The following NUP188 variants were observed in gnomAD, a reference collection of about 807,000 sequenced individuals.
NUP188 encodes nucleoporin 188.
In NUP188, 97 loss-of-function variants were observed where a neutral mutation model predicts 223.0. The observed-to-expected ratio is 0.43, with a 90% CI of 0.37 to 0.51. The LOEUF (loss-of-function observed/expected upper bound fraction) is 0.51, where lower values mean the gene tolerates loss of function less well. Ranked by LOEUF, NUP188 falls within the 20% of genes least tolerant of loss-of-function variation. The pLI is 0.00. For missense variants in NUP188, 1,947 were observed against 2,175.6 expected (o/e 0.89, Z 2.09); for synonymous variants, 869 against 828.0 (o/e 1.05, Z -0.85).
chr9:128,995,251 G>T, intron 29 of NUP188, 68 bp from the exon 30 acceptor site: 1 of 1,307,956 alleles, frequency 7.6e-7, no homozygotes, highest in Non-Finnish European at 1.1e-6. Context: ...GCCTCAACAA[G>T]GGTCTGTACC....
intron 1 of NUP188, chr9:128,947,990 C>T (rs1841713559): frequency 2.6e-6 from 1 of 387,034 alleles, no homozygotes; most frequent in African/African-American, 2.1e-5. Flanking sequence ...CTCGGCCTCC[C>T]ATCTCCTCAC....
intron 24 of NUP188, among the ~76,000 whole-genome samples, 168 bp downstream of exon 24, chr9:128,988,354 G>T (rs969889955): frequency 7.2e-5 from 11 of 152,220 alleles, no homozygotes; most frequent in Non-Finnish European, 4.4e-5. Context: ...GAAACAAAAG[G>T]ACTAGATGGT....
chr9:128,978,391 G>A (rs972950656), intron 12 of NUP188, among the ~76,000 whole-genome samples: 5 of 151,564 alleles, frequency 3.3e-5, no homozygotes, highest in Non-Finnish European at 5.9e-5. Flanking sequence ...GTGAAACCCC[G>A]TCTCTACTAA....
intron 12 of NUP188, among the ~76,000 whole-genome samples, chr9:128,977,974 C>A (rs776458455): frequency 7.0e-4 from 107 of 151,984 alleles, no homozygotes; most frequent in Non-Finnish European, 1.3e-3. Context: ...AATTACTGTC[C>A]CCATTTTACA....
chr9:128,994,562 C>A, intron 28 of NUP188, 120 bp downstream of exon 28: 1 of 762,180 alleles, frequency 1.3e-6, no homozygotes, highest in Non-Finnish European at 2.3e-6. Flanking sequence ...ATGTTCCCTT[C>A]ACTAGAAACG....
intron 12 of NUP188, among the ~76,000 whole-genome samples, chr9:128,976,745 G>A (rs1206914439): frequency 6.6e-6 from 1 of 151,742 alleles, no homozygotes; most frequent in Non-Finnish European, 1.5e-5. Context: ...GAGAATTCTG[G>A]TTACTTTTGA....
At chr9:128,964,769 G>C (rs932733808) in intron 8 of NUP188, among the ~76,000 whole-genome samples, 1 of 147,898 alleles carries the variant, frequency 6.8e-6, no homozygotes, top group African/African-American at 2.5e-5. Context: ...GCAGTGGCAC[G>C]ATGTTGGCTA....
At chr9:128,987,790 G>C (rs1484158681) in intron 23 of NUP188, 73 bp downstream of exon 23, 1 of 1,557,120 alleles carries the variant, frequency 6.4e-7, no homozygotes, top group Non-Finnish European at 8.7e-7. Flanking sequence ...TCCAGTTTAA[G>C]TTAACTTGCA....
chr9:128,995,159 C>T (rs1401488111), intron 29 of NUP188, 160 bp from the exon 30 acceptor site: 2 of 645,216 alleles, frequency 3.1e-6, no homozygotes, highest in African/African-American at 1.8e-5. Flanking sequence ...AGGAGGAATC[C>T]TGGAAAGGCC....
At chr9:129,002,059 G>A (rs1262343783) in intron 36 of NUP188, 83 bp downstream of exon 36, 14 of 1,137,108 alleles carry the variant, frequency 1.2e-5, no homozygotes, top group South Asian at 1.0e-4. Flanking sequence ...ACCTTTCCCC[G>A]GAAGTTGCTT....
In NUP188 at chr9:128,968,677, C is replaced by G; in HGVS notation, c.757C>G (p.Leu253Val). ...TGGTAGTAGGCAGACCAATAGGCAC[C>G]TGGTGGATGAGACTATGGATCCTTT... ...GFGSRQTNRH[L>V]VDETMDPFVD... The change falls in exon 9 of 44, where the codon CTG (leucine) becomes GTG (valine). Residue 253 changes from leucine (L) to valine (V), a missense_variant. Leu to Val is a conservative substitution (Grantham distance 32). This residue lies in a region of NUP188 where 817 missense variants were observed against 865.8 expected (regional missense o/e 0.94). Coordinates refer to ENST00000372577, the MANE Select transcript of NUP188 (RefSeq NM_015354.3). 6.2e-7 allele frequency: 1 copy of G among 1,614,100 alleles called. No individual in the cohort carries two copies. Among genetic ancestry groups the G allele is most frequent in the Non-Finnish European group, 8.5e-7 (1 of 1,179,986 alleles).
In NUP188 at chr9:128,982,607, T is replaced by C; in HGVS notation, c.1575T>C (p.Asp525=). 1 of 1,614,104 alleles carries C rather than the reference T, an allele frequency of 6.2e-7. No homozygotes were observed. The highest frequency in any genetic ancestry group is 8.5e-7 in the Non-Finnish European group (1 of 1,179,980). The stretch of plus-strand genomic sequence containing the variant: ...CTGTGGGCCAAGTAATGTTGGATGA[T>C]AGGGCATACCTGGTACGCTGGGAAT... ...QGTVGQVMLD[D]RAYLVRWEYS... Residue 525 remains aspartate (D), a synonymous_variant, in exon 16 of 44, where the codon GAT becomes GAC. Transcript: ENST00000372577.
intron 12 of NUP188, among the ~76,000 whole-genome samples, chr9:128,975,669 G>A (rs942495861): frequency 2.6e-5 from 4 of 151,772 alleles, no homozygotes; most frequent in Non-Finnish European, 4.4e-5. Flanking sequence ...ACAGGTGTAC[G>A]CCACCACGTC....
At chr9:128,988,719 A>ATTTTTTTTTTTTTTTTTTTTTT in intron 24 of NUP188, among the ~76,000 whole-genome samples, 1 of 72,868 alleles carries the variant, frequency 1.4e-5, no homozygotes, top group Middle Eastern at 0.013. Context: ...TAATTTTTTA[A>ATTTTTTTTTTTTTTTTTTTTTT]TTTTTTTTTT....
At chr9:129,004,281 C>CA (rs560251172) in intron 38 of NUP188, among the ~76,000 whole-genome samples, 393 of 89,352 alleles carry the variant, frequency 4.4e-3, no homozygotes, top group East Asian at 0.012. Context: ...GACTCCGTCT[C>CA]AAAAAAAAAA....
intron 34 of NUP188, 86 bp downstream of exon 34, chr9:128,999,891 CAG>C: frequency 7.8e-7 from 1 of 1,277,982 alleles, no homozygotes; most frequent in Non-Finnish European, 1.1e-6. Flanking sequence ...GTGATCAAGA[CAG>C]ATAGTCGCTG....
rs748032791 is a variant in NUP188 at position 129,006,223 on chromosome 9, C to T, written c.4944-16C>T. 6 of 1,614,076 alleles carry T rather than the reference C, an allele frequency of 3.7e-6. No homozygotes were observed. In the African/African-American group the frequency reaches 5.3e-5, roughly 14 times the overall value. On this transcript the variant is annotated splice_polypyrimidine_tract_variant and intron_variant, in intron 42 of 43. Coordinates refer to ENST00000372577, the MANE Select transcript of NUP188 (RefSeq NM_015354.3). ...GGCCCTCTGCAGCAGTACCAAAAAC[C>T]TGTGTCTCCTCCCAGGTCCCTCCTG...
intron 8 of NUP188, among the ~76,000 whole-genome samples, chr9:128,960,514 A>G (rs556744054): frequency 8.5e-5 from 13 of 152,254 alleles, no homozygotes; most frequent in Non-Finnish European, 1.9e-4. Flanking sequence ...GCCTATTTAT[A>G]CATATGACAT....
In NUP188 at chr9:128,958,784, G is replaced by T; in HGVS notation, c.373-18G>T. The T allele has an allele frequency of 1.3e-6, 2 of 1,482,384 alleles. No homozygotes were observed. Among genetic ancestry groups the T allele is most frequent in the South Asian group, 2.5e-5 (2 of 80,712 alleles). 91.8% of individuals were successfully genotyped at this position (1,482,384 alleles called of 1,614,324 possible). A position where few individuals can be genotyped will look rare whatever the true frequency, so the allele number is the denominator to read the frequency against. ...TGTGCAAAGGTGAGTAACTGATTTT[G>T]AATTTTGGGTTCCTCAGATTGCAGA... On this transcript the variant is annotated intron_variant, in intron 6 of 43. Coordinates refer to ENST00000372577, the MANE Select transcript of NUP188 (RefSeq NM_015354.3).
Sources: allele counts gnomAD v4.1 joint callset (sites outside exome capture counted in the v4.1 genomes callset), GRCh38; gene constraint gnomAD v4.1.1; regional missense constraint gnomAD v4.1.1; transcripts MANE v1.5; gene names NCBI Gene and HGNC (gene_info 2026-07-23, HGNC 2026-07-21).